Variants in NEURL1B observed in about 807,000 individuals in gnomAD.
NEURL1B encodes E3 ubiquitin-protein ligase NEURL1B.
Under a neutral mutation model 37.4 loss-of-function variants are expected in NEURL1B, and 13 were observed. That is an observed-to-expected ratio of 0.35 (90% CI 0.23 to 0.55). NEURL1B has a LOEUF of 0.55. Ranked by LOEUF, NEURL1B falls within the 20% of genes least tolerant of loss-of-function variation. NEURL1B has a pLI of 0.89. For missense variants in NEURL1B, 790 were observed against 879.2 expected, an observed-to-expected ratio of 0.90 and a Z score of 1.28; for synonymous variants, 432 against 426.6, an observed-to-expected ratio of 1.01 and a Z score of -0.16.
rs893862455 is a variant in NEURL1B, at chr5:172,683,975, G to A, written c.1134G>A (p.Pro378=). The change falls in exon 3 of 5, where the codon CCG becomes CCA. Residue 378 remains proline, a synonymous_variant. Coordinates refer to ENST00000369800, the MANE Select transcript of NEURL1B (RefSeq NM_001142651.3). This position sits in a 1 kb window ranked among gnomAD's most constrained non-coding sequence, Gnocchi z 5.6. The part of the protein sequence containing the change: ...YWVVARAGPV[P]SGGDALSFTL... ...TGGTGGCGCGCGCCGGGCCCGTGCC[G>A]AGCGGCGGCGACGCGCTCAGCTTCA... The A allele has an allele frequency of 1.1e-5, 15 of 1,318,634 alleles. No homozygotes were observed. Among genetic ancestry groups the A allele is most frequent in the Non-Finnish European group, 1.4e-5 (14 of 1,031,620 alleles). 81.7% of individuals were successfully genotyped at this position (1,318,634 alleles called of 1,614,324 possible). A position where few individuals can be genotyped will look rare whatever the true frequency, so the allele number is the denominator to read the frequency against.
At position 172,665,087 on chromosome 5, in the gene NEURL1B, G is replaced by C. The variant is rs1757984838; in HGVS notation, c.32-4698G>C. Among the ~76,000 whole-genome samples the C allele has an allele frequency of 6.6e-6, 1 of 152,230 alleles. No individual in the cohort carries two copies. The highest frequency in any genetic ancestry group is 2.1e-4 in the South Asian group (1 of 4,830). On this transcript the variant is annotated intron_variant, in intron 1 of 4. Transcript: ENST00000369800. This position sits in a 1 kb window ranked among gnomAD's most constrained non-coding sequence, Gnocchi z 4.1. ...TTCTGTAAAGAAACTCTCTGACTGA[G>C]AGATGAGGTCGGAAAACAACAGTGA...
intron 1 of NEURL1B, among the ~76,000 whole-genome samples, chr5:172,660,275 C>A (rs929413223): frequency 6.6e-6 from 1 of 152,226 alleles, no homozygotes; most frequent in South Asian, 2.1e-4. Flanking sequence ...AATCCCAGCC[C>A]TGGCTGAGCA....
Position 172,665,498 on chromosome 5 carries a change from G to T in NEURL1B, c.32-4287G>T. On this transcript the variant is annotated intron_variant, in intron 1 of 4. Coordinates refer to ENST00000369800, the MANE Select transcript of NEURL1B (RefSeq NM_001142651.3). The surrounding 1 kb of genome is among the most constrained non-coding windows in gnomAD (Gnocchi z 4.1). ...TGACAGGCAGTGCAGGTGTGGCCGT[G>T]GCCCTGCTTTGCCAAAAGCCCTGTA... Among the ~76,000 whole-genome samples the T allele has an allele frequency of 6.6e-6, 1 of 152,188 alleles. No homozygotes were observed. Among genetic ancestry groups the T allele is most frequent in the East Asian group, 1.9e-4 (1 of 5,198 alleles).
chr5:172,662,744 G>C (rs1757924671), intron 1 of NEURL1B, among the ~76,000 whole-genome samples: 1 of 152,180 alleles, frequency 6.6e-6, no homozygotes, highest in Non-Finnish European at 1.5e-5. Context: ...CTTCCAGAAA[G>C]ACTTGCCAAG....
Position 172,683,769 on chromosome 5 carries a change from C to G in NEURL1B, c.928C>G (p.Leu310Val). The change falls in exon 3 of 5, where the codon CTG becomes GTG. Residue 310 changes from leucine to valine, a missense_variant. This residue lies in a region of NEURL1B where 460 missense variants were observed against 407.4 expected (regional missense o/e 1.13). Transcript: ENST00000369800. This position sits in a 1 kb window ranked among gnomAD's most constrained non-coding sequence, Gnocchi z 5.6. ...ACCGCGGCCCGACGGCGGCCGCACGCTGGTCTTCTCCGAGCGCCCGCTGCG... is the reference window on the plus strand; with the variant it reads ...ACCGCGGCCCGACGGCGGCCGCACGGTGGTCTTCTCCGAGCGCCCGCTGCG... Reference protein sequence around the residue: ...CAPRPDGGRTLVFSERPLRPG... With the variant: ...CAPRPDGGRTVVFSERPLRPG... 1 of 1,305,908 alleles carries G rather than the reference C, an allele frequency of 7.7e-7. No homozygotes were observed. The highest frequency in any genetic ancestry group is 9.8e-7 in the Non-Finnish European group (1 of 1,022,890). 80.9% of individuals were successfully genotyped at this position (1,305,908 alleles called of 1,614,324 possible). A position where few individuals can be genotyped will look rare whatever the true frequency, so the allele number is the denominator to read the frequency against.
intron 1 of NEURL1B, among the ~76,000 whole-genome samples, chr5:172,658,235 G>A (rs780281320): frequency 3.9e-5 from 6 of 151,972 alleles, no homozygotes; most frequent in South Asian, 2.1e-4. Context: ...ACAATCTCTC[G>A]TCTCCGCACA....
chr5:172,681,329 CTATTAA>C (rs1178970009), intron 2 of NEURL1B, among the ~76,000 whole-genome samples: 3 of 152,166 alleles, frequency 2.0e-5, no homozygotes, highest in Non-Finnish European at 2.9e-5. Flanking sequence ...GAGATAATTA[CTATTAA>C]TATTTTGTCT....
intron 1 of NEURL1B, among the ~76,000 whole-genome samples, chr5:172,643,499 A>G (rs1757505385): frequency 1.3e-5 from 2 of 152,114 alleles, no homozygotes; most frequent in Admixed American, 1.3e-4. Flanking sequence ...TTGCTCTGCT[A>G]TCTGGATGCC....
rs1758226083 is a variant in NEURL1B, at chr5:172,675,984, A to G, written c.577+5654A>G. On this transcript the variant is annotated intron_variant, in intron 2 of 4. Coordinates refer to ENST00000369800, the MANE Select transcript of NEURL1B (RefSeq NM_001142651.3). This position sits in a 1 kb window ranked among gnomAD's most constrained non-coding sequence, Gnocchi z 4.7. ...TTGAGGCAGCCCTGCCCTCCTTCCT[A>G]GGCAGCTCCAGGGTGGTCAGTGTCA... is the stretch of plus-strand genomic sequence containing the variant. 6.6e-6 allele frequency among the ~76,000 whole-genome samples: 1 copy of G among 151,912 alleles called. No homozygotes were observed. The highest frequency in any genetic ancestry group is 2.1e-4 in the South Asian group (1 of 4,816).
chr5:172,688,436 A>AG lies in NEURL1B; in HGVS notation c.*1514dup, dbSNP rs1758558625. On this transcript the variant is annotated 3_prime_UTR_variant, in exon 5 of 5. Transcript: ENST00000369800. The surrounding 1 kb of genome is among the most constrained non-coding windows in gnomAD (Gnocchi z 4.3). Reference sequence around the variant, plus strand: ...TCATGTCCTGCTGAAGGAGGGAAGGAGGGAGAGGAAGGCAGGGGAGTTGAT... The same window carrying AG: ...TCATGTCCTGCTGAAGGAGGGAAGGAGGGGAGAGGAAGGCAGGGGAGTTGAT... The AG allele has an allele frequency of 6.6e-6, 1 of 152,578 alleles. No individual in the cohort carries two copies. Among genetic ancestry groups the AG allele is most frequent in the Non-Finnish European group, 1.5e-5 (1 of 68,178 alleles). 9.5% of individuals were successfully genotyped at this position (152,578 alleles called of 1,614,324 possible). A position where few individuals can be genotyped will look rare whatever the true frequency, so the allele number is the denominator to read the frequency against.
rs1758430801 is a variant in NEURL1B, at chr5:172,684,124, A to T, written c.1283A>T (p.Gln428Leu). 8.0e-7 allele frequency: 1 copy of T among 1,252,280 alleles called. No individual in the cohort carries two copies. Among genetic ancestry groups the T allele is most frequent in the African/African-American group, 1.6e-5 (1 of 63,706 alleles). The allele number at this position is 1,252,280 out of a possible 1,614,324, so 77.6% of individuals were successfully genotyped here. ...GCCGTGCGCGGCGGCGTCGCGGGCC[A>T]GCTGCGTCTCCTCGGTGAGTCCCCG... ...FFAVRGGVAG[Q>L]LRLLGTLQSS... The change falls in exon 3 of 5, where the codon CAG becomes CTG. Residue 428 changes from glutamine (Q) to leucine (L), a missense_variant. This residue lies in a region of NEURL1B where 460 missense variants were observed against 407.4 expected (regional missense o/e 1.13). Transcript: ENST00000369800.
intron 1 of NEURL1B, among the ~76,000 whole-genome samples, chr5:172,668,519 C>T (rs1384181447): frequency 1.3e-5 from 2 of 152,164 alleles, no homozygotes; most frequent in Non-Finnish European, 2.9e-5. Context: ...TTCCCCTGCC[C>T]TAGCTCCCAT....
rs946893812 is a variant in NEURL1B, at chr5:172,657,891, G to A, written c.32-11894G>A. Among the ~76,000 whole-genome samples the A allele has an allele frequency of 1.3e-5, 2 of 152,158 alleles. No homozygotes were observed. Among genetic ancestry groups the A allele is most frequent in the Non-Finnish European group, 2.9e-5 (2 of 68,034 alleles). The stretch of plus-strand genomic sequence containing the variant: ...TACTCCTGGTTCCTCTTTGAAGTTC[G>A]TAGTAGATAGTGGTAGAAGGAATAG... On this transcript the variant is annotated intron_variant, in intron 1 of 4. Transcript: ENST00000369800. The surrounding 1 kb of genome is among the most constrained non-coding windows in gnomAD (Gnocchi z 4.0).
intron 3 of NEURL1B, 92 bp downstream of exon 3, chr5:172,684,230 T>A (rs1462515397): frequency 8.8e-6 from 9 of 1,023,038 alleles, no homozygotes; most frequent in Non-Finnish European, 1.1e-5. Flanking sequence ...CCCGCCCCTC[T>A]CGCTAGGCGC....
chr5:172,686,361 C>G lies in NEURL1B; in HGVS notation c.1423+65C>G, dbSNP rs1389342865. ...GCTGGCCTGGCTCCTCCGGCTGTGC[C>G]AGTGGCCTTCCAGGGACTGAGCAGG... is the stretch of plus-strand genomic sequence containing the variant. On this transcript the variant is annotated intron_variant, in intron 4 of 4. Coordinates refer to ENST00000369800, the MANE Select transcript of NEURL1B (RefSeq NM_001142651.3). This position sits in a 1 kb window ranked among gnomAD's most constrained non-coding sequence, Gnocchi z 7.9. 4 of 1,514,934 alleles carry G rather than the reference C, an allele frequency of 2.6e-6. No individual in the cohort carries two copies. Among genetic ancestry groups the G allele is most frequent in the Non-Finnish European group, 3.6e-6 (4 of 1,119,574 alleles). 93.8% of individuals were successfully genotyped at this position (1,514,934 alleles called of 1,614,324 possible). A position where few individuals can be genotyped will look rare whatever the true frequency, so the allele number is the denominator to read the frequency against.
rs1581441994 is a variant in NEURL1B, at chr5:172,686,321, G to C, written c.1423+25G>C. On this transcript the variant is annotated intron_variant, in intron 4 of 4. Coordinates refer to ENST00000369800, the MANE Select transcript of NEURL1B (RefSeq NM_001142651.3). The surrounding 1 kb of genome is among the most constrained non-coding windows in gnomAD (Gnocchi z 7.9). ...GGTAAGGAAATGCAAACCCTGGCAG[G>C]GGCAGGGGCTGGCGGCTGGCCTGGC... 1.3e-6 allele frequency: 2 copies of C among 1,550,612 alleles called. No homozygotes were observed. The highest frequency in any genetic ancestry group is 2.4e-5 in the South Asian group (2 of 83,996).
Position 172,686,115 on chromosome 5 carries a change from C to G in NEURL1B, c.1298-56C>G. ...GTGCAAAGCAGTGAAGAACCATGGA[C>G]TAGCAGGGCAGGTCCAACCTTCCAC... On this transcript the variant is annotated intron_variant, in intron 3 of 4. Coordinates refer to ENST00000369800, the MANE Select transcript of NEURL1B (RefSeq NM_001142651.3). The surrounding 1 kb of genome is among the most constrained non-coding windows in gnomAD (Gnocchi z 7.9). The G allele has an allele frequency of 6.5e-7, 1 of 1,541,590 alleles. No individual in the cohort carries two copies. The highest frequency in any genetic ancestry group is 8.8e-7 in the Non-Finnish European group (1 of 1,141,784).
At chr5:172,672,466 G>A (rs751393538) in intron 2 of NEURL1B, among the ~76,000 whole-genome samples, 15 of 151,700 alleles carry the variant, frequency 9.9e-5, no homozygotes, top group African/African-American at 1.9e-4. Flanking sequence ...AAGTGGATTC[G>A]GATTTTTAAA....
intron 1 of NEURL1B, among the ~76,000 whole-genome samples, chr5:172,653,048 T>C (rs543932870): frequency 6.6e-6 from 1 of 152,306 alleles, no homozygotes; most frequent in African/African-American, 2.4e-5. Context: ...GAGTTTTCCT[T>C]CTTTCCATCC....
Sources: gnomAD v4.1 joint callset for allele counts (sites outside exome capture counted in the v4.1 genomes callset) on GRCh38, gnomAD v4.1.1 for gene constraint, gnomAD v4.1.1 regional missense constraint, Gnocchi (gnomAD v3.1) non-coding constraint, MANE v1.5 for transcripts, NCBI Gene and HGNC (gene_info 2026-07-23, HGNC 2026-07-21) for gene names.